ATP10D: variants seen among roughly 807,000 people sequenced by gnomAD.
ATP10D encodes the protein phospholipid-transporting ATPase VD.
Under a neutral mutation model 144.8 loss-of-function variants are expected in ATP10D, and 89 were observed. The observed-to-expected ratio is 0.61, with a 90% CI of 0.52 to 0.73. The LOEUF (loss-of-function observed/expected upper bound fraction) is 0.73. Ranked by LOEUF, ATP10D falls within the 30% of genes least tolerant of loss-of-function variation. The pLI, the probability that ATP10D is intolerant of heterozygous loss-of-function variation, is 0.00. For missense variants in ATP10D, 1,603 were observed against 1,714.8 expected (o/e 0.93, Z 1.15); for synonymous variants, 571 against 615.1 (o/e 0.93, Z 1.06).
intron 20 of ATP10D, among the ~76,000 whole-genome samples, chr4:47,581,274 G>A (rs17572095): frequency 0.36 from 55,005 of 151,964 alleles, 10,490 homozygotes; most frequent in South Asian, 0.46. Flanking sequence ...AGGCTAACAC[G>A]ATACACAAAG....
In ATP10D at chr4:47,535,973, A is replaced by G. The variant is rs1188541967; in HGVS notation, c.955A>G (p.Asn319Asp). 1.1e-5 allele frequency: 17 copies of G among 1,613,238 alleles called. No homozygotes were observed. The highest frequency in any genetic ancestry group is 1.4e-5 in the Non-Finnish European group (17 of 1,179,356). The stretch of plus-strand genomic sequence containing the variant: ...GCGCAGCAAATTAGAAAGAAGAGCA[A>G]ACACAGATGTCCTCTGGTGTGTCAT... ...YKRSKLERRA[N>D]TDVLWCVMLL... is the part of the protein sequence containing the mutation. Residue 319 changes from asparagine (N) to aspartate (D), a missense_variant, in exon 7 of 23, where the codon AAC becomes GAC. Physicochemically the swap from Asn to Asp is conservative, Grantham distance 23. Coordinates refer to ENST00000273859, the MANE Select transcript of ATP10D (RefSeq NM_020453.4).
chr4:47,524,277 A>G (rs548628134), intron 4 of ATP10D, among the ~76,000 whole-genome samples: 2 of 152,190 alleles, frequency 1.3e-5, no homozygotes, highest in East Asian at 1.9e-4. Flanking sequence ...TCCGTCTTAC[A>G]CTTAGAAACC....
chr4:47,511,238 T>C (rs997049364), intron 1 of ATP10D, among the ~76,000 whole-genome samples: 9 of 152,234 alleles, frequency 5.9e-5, no homozygotes, highest in Non-Finnish European at 1.2e-4. Flanking sequence ...TTCATTGATT[T>C]AGTTATCTAT....
chr4:47,546,653 G>T lies in ATP10D; in HGVS notation c.1426G>T (p.Val476Phe). Residue 476 changes from valine to phenylalanine, a missense_variant, in exon 10 of 23, where the codon GTC (valine) becomes TTC (phenylalanine). Val to Phe is a conservative substitution (Grantham distance 50, BLOSUM62 -1). Transcript: ENST00000273859. ...GAGGTTGGAGTCCTATCAGGAAGCT[G>T]TCTCTGAAGATGAAGATTTTATAGA... The part of the protein sequence containing the change: ...ARRLESYQEA[V>F]SEDEDFIDTV... The T allele has an allele frequency of 6.2e-7, 1 of 1,614,094 alleles. No homozygotes were observed. Among genetic ancestry groups the T allele is most frequent in the Non-Finnish European group, 8.5e-7 (1 of 1,179,966 alleles).
chr4:47,532,528 C>T (rs1453361613), intron 5 of ATP10D, among the ~76,000 whole-genome samples: 2 of 152,186 alleles, frequency 1.3e-5, no homozygotes, highest in African/African-American at 4.8e-5. Flanking sequence ...TGGCCTCAGC[C>T]ATTGGCAGGG....
At chr4:47,509,010 T>G (rs988743570) in intron 1 of ATP10D, among the ~76,000 whole-genome samples, 2 of 152,324 alleles carry the variant, frequency 1.3e-5, no homozygotes, top group East Asian at 3.9e-4. Context: ...AATATTTATG[T>G]GGAGCTTTAT....
chr4:47,559,042 A>C lies in ATP10D; in HGVS notation c.2541+13A>C. ...TATAGCAAAGAAGGTGAGACTGCTTAGTGCGCTCCATCTTTTTTGTTTTTT... is the reference window on the plus strand; with the variant it reads ...TATAGCAAAGAAGGTGAGACTGCTTCGTGCGCTCCATCTTTTTTGTTTTTT... On this transcript the variant is annotated intron_variant, in intron 13 of 22. Coordinates refer to ENST00000273859, the MANE Select transcript of ATP10D (RefSeq NM_020453.4). 6.3e-7 allele frequency: 1 copy of C among 1,593,756 alleles called. No individual in the cohort carries two copies. The highest frequency in any genetic ancestry group is 8.6e-7 in the Non-Finnish European group (1 of 1,164,372).
At chr4:47,587,481 A>G (rs1383779044) in intron 22 of ATP10D, among the ~76,000 whole-genome samples, 1 of 152,090 alleles carries the variant, frequency 6.6e-6, no homozygotes, top group African/African-American at 2.4e-5. Context: ...TTATCTAAGG[A>G]CCTAGATCCT....
chr4:47,591,426 G>T lies in ATP10D; in HGVS notation c.*45G>T. 1 of 1,465,598 alleles carries T rather than the reference G, an allele frequency of 6.8e-7. No individual in the cohort carries two copies. The highest frequency in any genetic ancestry group is 1.3e-5 in the South Asian group (1 of 74,906). 90.8% of individuals were successfully genotyped at this position (1,465,598 alleles called of 1,614,324 possible). On this transcript the variant is annotated 3_prime_UTR_variant, in exon 23 of 23. Transcript: ENST00000273859. Reference sequence around the variant, plus strand: ...AAGTATTCTTTCAAGGTTGGAAGAGGGATTTTGAAGAGGTATCTCTCCAAG... The same window carrying T: ...AAGTATTCTTTCAAGGTTGGAAGAGTGATTTTGAAGAGGTATCTCTCCAAG...
chr4:47,560,879 G>T (rs1719259890), intron 13 of ATP10D, 70 bp from the exon 14 acceptor site: 12 of 1,576,846 alleles, frequency 7.6e-6, no homozygotes, highest in African/African-American at 4.1e-5. Flanking sequence ...TATTTTGCCA[G>T]AGGTCAGTCC....
Position 47,536,775 on chromosome 4 carries a change from T to A in ATP10D, c.1233T>A (p.Asn411Lys). 1.9e-6 allele frequency: 3 copies of A among 1,613,288 alleles called. No individual in the cohort carries two copies. Among genetic ancestry groups the A allele is most frequent in the Non-Finnish European group, 2.5e-6 (3 of 1,179,636 alleles). The change falls in exon 9 of 23, where the codon AAT becomes AAA. Residue 411 changes from asparagine to lysine, a missense_variant. Physicochemically the swap from Asn to Lys is moderately conservative, Grantham distance 94 (BLOSUM62 0). Transcript: ENST00000273859. Reference sequence around the variant, plus strand: ...TTCAAAGTGATGTGGATTTCTACAATGAAAAAATGGATTCTATTGTTCAGT... The same window carrying A: ...TTCAAAGTGATGTGGATTTCTACAAAGAAAAAATGGATTCTATTGTTCAGT... ...YFIQSDVDFY[N>K]EKMDSIVQCR... is the part of the protein sequence containing the mutation.
At chr4:47,496,070 C>T (rs1283689659) in intron 1 of ATP10D, among the ~76,000 whole-genome samples, 1 of 151,994 alleles carries the variant, frequency 6.6e-6, no homozygotes, top group Non-Finnish European at 1.5e-5. Flanking sequence ...CTTATATTTC[C>T]ATTAGAAATA....
At chr4:47,510,287 G>T (rs529084867) in intron 1 of ATP10D, among the ~76,000 whole-genome samples, 3 of 152,188 alleles carry the variant, frequency 2.0e-5, no homozygotes, top group South Asian at 4.2e-4. Context: ...ATGATGAGCT[G>T]CCCAGCCTTG....
In ATP10D at chr4:47,592,731, T is replaced by C. The variant is rs1393407838; in HGVS notation, c.*1350T>C. The C allele has an allele frequency of 6.6e-6, 1 of 152,596 alleles. No homozygotes were observed. Among genetic ancestry groups the C allele is most frequent in the African/African-American group, 2.4e-5 (1 of 41,462 alleles). 9.5% of individuals were successfully genotyped at this position (152,596 alleles called of 1,614,324 possible). ...TTCTACCTTCTGCCTACTATTTTGG[T>C]CTGACATTTTTGTAGCCTTCTGTTA... On this transcript the variant is annotated 3_prime_UTR_variant, in exon 23 of 23. Coordinates refer to ENST00000273859, the MANE Select transcript of ATP10D (RefSeq NM_020453.4).
At chr4:47,588,989 T>C (rs1720911279) in intron 22 of ATP10D, among the ~76,000 whole-genome samples, 1 of 152,164 alleles carries the variant, frequency 6.6e-6, no homozygotes, top group Non-Finnish European at 1.5e-5. Context: ...ACATTATGGA[T>C]CTTGAGACAA....
At chr4:47,548,034 C>G (rs12500474) in intron 10 of ATP10D, among the ~76,000 whole-genome samples, 35,987 of 151,958 alleles carry the variant, frequency 0.24, 4,268 homozygotes, top group Admixed American at 0.3. Context: ...ATTTTTCTAT[C>G]GATATATTTT....
intron 15 of ATP10D, among the ~76,000 whole-genome samples, chr4:47,568,001 A>G (rs1719732048): frequency 6.6e-6 from 1 of 152,250 alleles, no homozygotes; most frequent in Admixed American, 6.5e-5. Context: ...CACTTGACAC[A>G]GTAATTTCTG....
intron 5 of ATP10D, among the ~76,000 whole-genome samples, chr4:47,534,310 A>C (rs1717714468): frequency 6.6e-6 from 1 of 152,142 alleles, no homozygotes; most frequent in Non-Finnish European, 1.5e-5. Context: ...ATTCTCTGTA[A>C]ACCATCAAGG....
chr4:47,583,842 T>C (rs936834518), intron 21 of ATP10D, among the ~76,000 whole-genome samples: 4 of 152,088 alleles, frequency 2.6e-5, no homozygotes, highest in Non-Finnish European at 5.9e-5. Context: ...GAAACCAGAG[T>C]GACTCTGGAG....
Sources: gnomAD v4.1 joint callset for allele counts (sites outside exome capture counted in the v4.1 genomes callset) on GRCh38, gnomAD v4.1.1 for gene constraint, MANE v1.5 for transcripts, NCBI Gene and HGNC (gene_info 2026-07-23, HGNC 2026-07-21) for gene names.